Variants in FAM171A1 observed in about 807,000 individuals in gnomAD.
FAM171A1 encodes the protein family with sequence similarity 171 member A1.
FAM171A1 carries 23 observed loss-of-function variants against 74.9 expected under a neutral mutation model. That is an observed-to-expected ratio of 0.31 (90% confidence interval 0.22 to 0.44). FAM171A1 has a LOEUF of 0.44. Among genes scored for constraint, FAM171A1 ranks in the 20% least tolerant of loss-of-function variants. The pLI, the probability that FAM171A1 is intolerant of heterozygous loss-of-function variation, is 1.00. For synonymous variants in FAM171A1, 527 were observed against 505.7 expected, an observed-to-expected ratio of 1.04 and a Z score of -0.57; for missense variants, 1,162 against 1,159.2, an observed-to-expected ratio of 1.00 and a Z score of -0.03.
chr10:15,351,567 C>CGATGGATG lies in FAM171A1; in HGVS notation c.97+19381_97+19388dup, dbSNP rs757265914. Among the ~76,000 whole-genome samples, 861 of 146,406 alleles carry CGATGGATG rather than the reference C, an allele frequency of 5.9e-3. 3 individuals carry two copies. Among genetic ancestry groups the CGATGGATG allele is most frequent in the East Asian group, 7.0e-3 (34 of 4,880 alleles). ...TGGTGAAAGGTAAGGAAAGTAGGGA[C>CGATGGATG]GATGGATGGATGGATGGATGGATGG... On this transcript the variant is annotated intron_variant, in intron 1 of 7. Coordinates refer to ENST00000378116, the MANE Select transcript of FAM171A1 (RefSeq NM_001010924.2).
At chr10:15,245,874 T>C (rs544998626) in intron 5 of FAM171A1, among the ~76,000 whole-genome samples, 22 of 152,382 alleles carry the variant, frequency 1.4e-4, no homozygotes, top group Admixed American at 1.2e-3. Context: ...GTTTTATAAG[T>C]AGCAGAACCC....
intron 3 of FAM171A1, among the ~76,000 whole-genome samples, chr10:15,258,049 C>T (rs1393763861): frequency 1.3e-5 from 2 of 152,074 alleles, no homozygotes; most frequent in Non-Finnish European, 2.9e-5. Context: ...GCATTTCTTT[C>T]TTTTCTCTTT....
intron 1 of FAM171A1, among the ~76,000 whole-genome samples, chr10:15,358,324 A>T (rs541951303): frequency 6.6e-6 from 1 of 152,292 alleles, no homozygotes; most frequent in African/African-American, 2.4e-5. Context: ...TACAAGTTCA[A>T]ATACCAAATA....
chr10:15,285,288 G>T (rs1286509215), intron 1 of FAM171A1, among the ~76,000 whole-genome samples: 1 of 152,200 alleles, frequency 6.6e-6, no homozygotes, highest in East Asian at 1.9e-4. Context: ...GGCGTAGGAG[G>T]CTGGAGAGGC....
At chr10:15,267,715 G>T (rs1200798080) in intron 3 of FAM171A1, among the ~76,000 whole-genome samples, 1 of 152,004 alleles carries the variant, frequency 6.6e-6, no homozygotes, top group East Asian at 1.9e-4. Flanking sequence ...CTGGGTCCTG[G>T]AGGAACCCTG....
intron 1 of FAM171A1, among the ~76,000 whole-genome samples, chr10:15,322,664 G>C (rs1261485264): frequency 6.6e-6 from 1 of 152,214 alleles, no homozygotes; most frequent in Non-Finnish European, 1.5e-5. Context: ...GACATAGCAA[G>C]GAAGCTGTCC....
chr10:15,351,228 T>A (rs763701333), intron 1 of FAM171A1, among the ~76,000 whole-genome samples: 1 of 152,222 alleles, frequency 6.6e-6, no homozygotes, highest in South Asian at 2.1e-4. Flanking sequence ...ATGTGAACTA[T>A]GCTTTGTGAG....
At chr10:15,304,956 A>G (rs1020321027) in intron 1 of FAM171A1, among the ~76,000 whole-genome samples, 9 of 151,686 alleles carry the variant, frequency 5.9e-5, no homozygotes, top group Non-Finnish European at 1.3e-4. Flanking sequence ...CTGGTCTCAA[A>G]CTCCTGACCT....
At chr10:15,279,295 C>G (rs1407160947) in intron 2 of FAM171A1, among the ~76,000 whole-genome samples, 2 of 152,172 alleles carry the variant, frequency 1.3e-5, no homozygotes, top group East Asian at 3.8e-4. Context: ...CCTTGTTTTA[C>G]TTTTTTAGGC....
chr10:15,267,247 G>A (rs1421225710), intron 3 of FAM171A1, among the ~76,000 whole-genome samples: 1 of 152,166 alleles, frequency 6.6e-6, no homozygotes, highest in Admixed American at 6.5e-5. Flanking sequence ...GCGTGCATGG[G>A]CACAGAACCG....
At chr10:15,361,630 C>A (rs1197359628) in intron 1 of FAM171A1, among the ~76,000 whole-genome samples, 6 of 152,072 alleles carry the variant, frequency 3.9e-5, no homozygotes, top group African/African-American at 1.4e-4. Context: ...CTGCAGTGAG[C>A]CGAGATTATG....
At chr10:15,367,262 C>G (rs751078624) in intron 1 of FAM171A1, among the ~76,000 whole-genome samples, 4 of 152,160 alleles carry the variant, frequency 2.6e-5, no homozygotes, top group African/African-American at 9.7e-5. Flanking sequence ...TACTTGAAAG[C>G]TATTTGTTTA....
chr10:15,237,049 G>A (rs984663371), intron 5 of FAM171A1, among the ~76,000 whole-genome samples: 5 of 152,166 alleles, frequency 3.3e-5, no homozygotes, highest in African/African-American at 1.2e-4. Context: ...ACTTGAAAAA[G>A]AAAATCCAGG....
At chr10:15,236,669 C>T (rs1834294976) in intron 5 of FAM171A1, among the ~76,000 whole-genome samples, 1 of 152,208 alleles carries the variant, frequency 6.6e-6, no homozygotes, top group Admixed American at 6.5e-5. Flanking sequence ...TAATTACCCA[C>T]TCAAGTGGAG....
At chr10:15,267,599 C>T (rs1160925733) in intron 3 of FAM171A1, among the ~76,000 whole-genome samples, 5 of 65,390 alleles carry the variant, frequency 7.6e-5, no homozygotes, top group Non-Finnish European at 8.2e-5. Context: ...GAGACACCAT[C>T]GCAAAAAAAA....
At chr10:15,214,758 CT>C (rs1206537948) in intron 7 of FAM171A1, among the ~76,000 whole-genome samples, 157 bp from the exon 8 acceptor site, 435 of 140,352 alleles carry the variant, frequency 3.1e-3, no homozygotes, top group Non-Finnish European at 3.8e-3. Context: ...CACGCCCTGT[CT>C]TTTTTTTTTT....
chr10:15,337,046 T>A (rs1345043301), intron 1 of FAM171A1, among the ~76,000 whole-genome samples: 1 of 145,148 alleles, frequency 6.9e-6, no homozygotes. Flanking sequence ...AGTTGGCTAT[T>A]TTTTTTTTTT....
intron 1 of FAM171A1, among the ~76,000 whole-genome samples, chr10:15,356,499 C>T (rs111751925): frequency 0.02 from 3,046 of 152,108 alleles, 34 homozygotes; most frequent in Middle Eastern, 0.048. Flanking sequence ...GAAGAATTGT[C>T]GAAACTGTTT....
chr10:15,341,171 C>T (rs928243670), intron 1 of FAM171A1, among the ~76,000 whole-genome samples: 1 of 152,188 alleles, frequency 6.6e-6, no homozygotes, highest in African/African-American at 2.4e-5. Context: ...GACTAGAAAC[C>T]TGTATAGGAG....
Sources: gnomAD v4.1 joint callset for allele counts (sites outside exome capture counted in the v4.1 genomes callset) on GRCh38, gnomAD v4.1.1 for gene constraint, MANE v1.5 for transcripts, NCBI Gene and HGNC (gene_info 2026-07-23, HGNC 2026-07-21) for gene names.